TUSC3: variants seen among roughly 807,000 people sequenced by gnomAD.
The protein encoded by TUSC3 is dolichyl-diphosphooligosaccharide--protein glycosyltransferase subunit TUSC3.
A neutral mutation model predicts 44.8 loss-of-function variants in TUSC3; 45 were observed. The observed-to-expected ratio is 1.00, with a 90% confidence interval of 0.79 to 1.29. The LOEUF (loss-of-function observed/expected upper bound fraction) is 1.29. TUSC3 is among the 50% of genes most tolerant of loss of function. TUSC3 has a pLI of 0.00. For missense variants in TUSC3, 519 were observed against 437.9 expected, an observed-to-expected ratio of 1.19 and a Z score of -1.65; for synonymous variants, 212 against 152.9, an observed-to-expected ratio of 1.39 and a Z score of -2.85.
rs1236880076 is a variant in TUSC3, at chr8:15,765,544, G to A, written c.*1388G>A. The stretch of plus-strand genomic sequence containing the variant: ...AATGGGAATATAAAGGCCTACTGGG[G>A]CATGTTTATCAAGTTATATCCCAGG... On this transcript the variant is annotated 3_prime_UTR_variant, in exon 11 of 11. Transcript: ENST00000503731. 4.1e-4 allele frequency: 63 copies of A among 151,962 alleles called. 1 individual carries two copies. The highest frequency in any genetic ancestry group is 4.1e-3 in the Admixed American group (63 of 15,220). 9.4% of individuals were successfully genotyped at this position (151,962 alleles called of 1,614,324 possible).
intron 2 of TUSC3, among the ~76,000 whole-genome samples, chr8:15,498,517 GATCCTAGCGATGAATTTGA>G (rs1457254195): frequency 3.9e-5 from 6 of 152,188 alleles, no homozygotes; most frequent in Admixed American, 6.5e-5. Flanking sequence ...TCCACCCAAG[GATCCTAGCGATGAATTTGA>G]AGTTGAATCG....
intron 2 of TUSC3, among the ~76,000 whole-genome samples, chr8:15,498,563 C>T (rs1800913283): frequency 6.6e-6 from 1 of 152,184 alleles, no homozygotes; most frequent in Middle Eastern, 3.2e-3. Context: ...ATGGTTTTGT[C>T]TATTTCTAAC....
chr8:15,688,056 G>C (rs1290402136), intron 6 of TUSC3, among the ~76,000 whole-genome samples: 1 of 151,378 alleles, frequency 6.6e-6, no homozygotes, highest in Non-Finnish European at 1.5e-5. Context: ...ACAGAGAAAG[G>C]GATAAACTAC....
chr8:15,649,895 C>G (rs1390582279), intron 2 of TUSC3, among the ~76,000 whole-genome samples: 1 of 152,126 alleles, frequency 6.6e-6, no homozygotes, highest in African/African-American at 2.4e-5. Context: ...GTCAACCATA[C>G]TGAAGAAGCA....
In TUSC3 at chr8:15,576,279, G is replaced by GTT. The variant is rs1175068882; in HGVS notation, c.138+35722_138+35723dup. 2.7e-4 allele frequency among the ~76,000 whole-genome samples: 28 copies of GTT among 104,790 alleles called. 1 individual carries two copies. Among genetic ancestry groups the GTT allele is most frequent in the African/African-American group, 4.2e-4 (12 of 28,620 alleles). 68.7% of individuals were successfully genotyped at this position (104,790 alleles called of 152,430 possible). ...TTTTTTTTTTTTTCTTGGTCCTCTT[G>GTT]TTTTTTTTTTTTATTTTTTTATTTT... On this transcript the variant is annotated intron_variant, in intron 1 of 10. Transcript: ENST00000503731.
At chr8:15,565,876 CTGTACTATTATA>C (rs1802649701) in intron 1 of TUSC3, among the ~76,000 whole-genome samples, 1 of 152,042 alleles carries the variant, frequency 6.6e-6, no homozygotes, top group South Asian at 2.1e-4. Flanking sequence ...GAATTTGGCT[CTGTACTATTATA>C]TGGATGTAAG....
chr8:15,637,512 A>C (rs1342546082), intron 2 of TUSC3, among the ~76,000 whole-genome samples: 1 of 151,976 alleles, frequency 6.6e-6, no homozygotes, highest in Non-Finnish European at 1.5e-5. Context: ...TATTTACTTT[A>C]GGTTGGAGTA....
intron 1 of TUSC3, among the ~76,000 whole-genome samples, chr8:15,437,480 T>C: frequency 6.6e-6 from 1 of 152,212 alleles, no homozygotes; most frequent in Non-Finnish European, 1.5e-5. Context: ...CTACTATTAA[T>C]ATTTGGTTTG....
At chr8:15,692,375 G>A (rs185973177) in intron 6 of TUSC3, among the ~76,000 whole-genome samples, 2 of 68,340 alleles carry the variant, frequency 2.9e-5, no homozygotes, top group African/African-American at 5.7e-5. Flanking sequence ...CCCCCCCTTT[G>A]TTTTTTTTTT....
the TUSC3 span, among the ~76,000 whole-genome samples, chr8:15,793,769 C>T: frequency 6.6e-6 from 1 of 152,190 alleles, no homozygotes; most frequent in East Asian, 1.9e-4. Flanking sequence ...ACACCTGGCA[C>T]ATATAGGAGC....
At chr8:15,473,016 C>G (rs1052679471) in intron 1 of TUSC3, among the ~76,000 whole-genome samples, 22 of 152,278 alleles carry the variant, frequency 1.4e-4, no homozygotes, top group African/African-American at 5.3e-4. Flanking sequence ...GATTCAAAGC[C>G]TAACCCAGAA....
At chr8:15,450,793 GCTTA>G (rs956424543) in intron 1 of TUSC3, among the ~76,000 whole-genome samples, 41 of 152,304 alleles carry the variant, frequency 2.7e-4, no homozygotes, top group African/African-American at 9.9e-4. Context: ...ACAGATGTTG[GCTTA>G]CTGTTTTCAG....
chr8:15,834,334 T>G, the TUSC3 span, among the ~76,000 whole-genome samples: 1 of 152,196 alleles, frequency 6.6e-6, no homozygotes, highest in South Asian at 2.1e-4. Flanking sequence ...TTTTAGTTAC[T>G]GTGTCATCAA....
At chr8:15,468,681 C>T (rs1239914147) in intron 1 of TUSC3, among the ~76,000 whole-genome samples, 1 of 151,986 alleles carries the variant, frequency 6.6e-6, no homozygotes, top group Non-Finnish European at 1.5e-5. Context: ...CCTTTCTAGG[C>T]CAGGCTAGAG....
chr8:15,609,980 G>A (rs1439105432), intron 1 of TUSC3, among the ~76,000 whole-genome samples: 1 of 151,394 alleles, frequency 6.6e-6, no homozygotes, highest in Non-Finnish European at 1.5e-5. Context: ...TTAGTCTCTG[G>A]TATTTTATTG....
At chr8:15,446,939 A>C (rs146747153) in intron 1 of TUSC3, among the ~76,000 whole-genome samples, 1 of 151,958 alleles carries the variant, frequency 6.6e-6, no homozygotes, top group South Asian at 2.1e-4. Flanking sequence ...ACAGACTTAA[A>C]AATGCAATAT....
At chr8:15,435,324 T>G (rs1202604452) in intron 1 of TUSC3, among the ~76,000 whole-genome samples, 1 of 152,198 alleles carries the variant, frequency 6.6e-6, no homozygotes, top group Non-Finnish European at 1.5e-5. Flanking sequence ...TTTGGCTGCA[T>G]AAATGCAACA....
chr8:15,550,072 T>A lies in TUSC3; in HGVS notation c.138+9504T>A, dbSNP rs181250176. 1.8e-3 allele frequency among the ~76,000 whole-genome samples: 266 copies of A among 151,734 alleles called. 2 individuals are homozygous for A. The highest frequency in any genetic ancestry group is 6.2e-3 in the African/African-American group (257 of 41,472). On this transcript the variant is annotated intron_variant, in intron 1 of 10. Coordinates refer to ENST00000503731, the MANE Select transcript of TUSC3 (RefSeq NM_006765.4). Reference sequence around the variant, plus strand: ...TGGGGGCTGCTCACACCTGCACCAGTAATTAGAATGGAACAGAACAGGACA... The same window carrying A: ...TGGGGGCTGCTCACACCTGCACCAGAAATTAGAATGGAACAGAACAGGACA...
chr8:15,595,422 C>G (rs1187559898), intron 1 of TUSC3, among the ~76,000 whole-genome samples: 3 of 152,158 alleles, frequency 2.0e-5, no homozygotes, highest in Non-Finnish European at 4.4e-5. Context: ...TGCCTGTACT[C>G]TCCCTCTCTG....
Sources: allele counts gnomAD v4.1 joint callset (sites outside exome capture counted in the v4.1 genomes callset), GRCh38; gene constraint gnomAD v4.1.1; transcripts MANE v1.5; gene names NCBI Gene and HGNC (gene_info 2026-07-23, HGNC 2026-07-21).